The following SMCHD1 variants were observed in gnomAD, a reference collection of about 807,000 sequenced individuals.
SMCHD1 encodes structural maintenance of chromosomes flexible hinge domain containing 1, also known as structural maintenance of chromosomes flexible hinge domain-containing protein 1.
A neutral mutation model predicts 254.7 loss-of-function variants in SMCHD1; 78 were observed. That is an observed-to-expected ratio of 0.31 (90% CI 0.26 to 0.37). The LOEUF (loss-of-function observed/expected upper bound fraction) is 0.37, where lower values mean the gene tolerates loss of function less well. Among genes scored for constraint, SMCHD1 ranks in the 10% least tolerant of loss-of-function variants. The pLI, the probability that SMCHD1 is intolerant of heterozygous loss-of-function variation, is 1.00. For missense variants in SMCHD1, 1,840 were observed against 2,408.1 expected, an observed-to-expected ratio of 0.76 and a Z score of 4.94; for synonymous variants, 766 against 794.9, an observed-to-expected ratio of 0.96 and a Z score of 0.61.
At chr18:2,790,487 C>T (rs951698387) in intron 45 of SMCHD1, among the ~76,000 whole-genome samples, 10 of 152,114 alleles carry the variant, frequency 6.6e-5, no homozygotes, top group Middle Eastern at 3.4e-3. Context: ...AGGCCGGACA[C>T]GGTGGCTCAG....
At chr18:2,661,743 A>G (rs1007908742) in intron 1 of SMCHD1, among the ~76,000 whole-genome samples, 2 of 152,244 alleles carry the variant, frequency 1.3e-5, no homozygotes, top group Non-Finnish European at 2.9e-5. Context: ...AGGTGCTAGC[A>G]TTCCTATCCG....
At chr18:2,778,918 G>T (rs1263647120) in intron 44 of SMCHD1, 1 of 152,226 alleles carries the variant, frequency 6.6e-6, no homozygotes. Context: ...GGGGGTTACG[G>T]ACTTTAACAT....
intron 44 of SMCHD1, among the ~76,000 whole-genome samples, chr18:2,783,240 C>T (rs1053639542): frequency 1.3e-5 from 2 of 152,148 alleles, no homozygotes; most frequent in Non-Finnish European, 2.9e-5. Flanking sequence ...ACATCTGTTA[C>T]TATTTTTTCC....
intron 10 of SMCHD1, 41 bp from the exon 11 acceptor site, chr18:2,700,498 T>C: frequency 6.4e-7 from 1 of 1,559,202 alleles, no homozygotes; most frequent in South Asian, 1.2e-5. Flanking sequence ...TTCTCACATT[T>C]TAGCAATAAA....
At chr18:2,770,960 G>A (rs1214938632) in intron 39 of SMCHD1, among the ~76,000 whole-genome samples, 2 of 152,106 alleles carry the variant, frequency 1.3e-5, no homozygotes, top group African/African-American at 2.4e-5. Context: ...TCATATAATT[G>A]AAAGACAAGA....
At chr18:2,796,136 C>CT in intron 46 of SMCHD1, 29 bp downstream of exon 46, 5 of 1,464,898 alleles carry the variant, frequency 3.4e-6, no homozygotes, top group Non-Finnish European at 4.6e-6. Context: ...TTAACTTCTA[C>CT]TTTCTTTATA....
intron 3 of SMCHD1, among the ~76,000 whole-genome samples, chr18:2,671,774 T>A: frequency 6.6e-6 from 1 of 151,792 alleles, no homozygotes; most frequent in Non-Finnish European, 1.5e-5. Context: ...TTTTTTGTAT[T>A]TTTTTAGTAG....
chr18:2,756,769 A>G (rs1344378012), intron 34 of SMCHD1, among the ~76,000 whole-genome samples: 2 of 152,098 alleles, frequency 1.3e-5, no homozygotes, highest in African/African-American at 4.8e-5. Flanking sequence ...CAGACTATCA[A>G]TTTTATCTAA....
chr18:2,687,489 A>G (rs2074078894), intron 5 of SMCHD1, among the ~76,000 whole-genome samples: 1 of 151,224 alleles, frequency 6.6e-6, no homozygotes. Context: ...CTCTTAGTCT[A>G]TTTTCTAGTT....
chr18:2,750,010 C>T, intron 30 of SMCHD1, 33 bp from the exon 31 acceptor site: 1 of 1,522,424 alleles, frequency 6.6e-7, no homozygotes, highest in Middle Eastern at 1.7e-4. Context: ...CTAGAATTTT[C>T]TAATTAACCA....
chr18:2,774,735 A>G (rs551096321), intron 41 of SMCHD1, among the ~76,000 whole-genome samples: 98 of 152,040 alleles, frequency 6.4e-4, no homozygotes, highest in African/African-American at 2.2e-3. Flanking sequence ...GTGACACACA[A>G]TGTTCTTATT....
At chr18:2,666,807 A>C in intron 2 of SMCHD1, 63 bp from the exon 3 acceptor site, 1 of 1,332,276 alleles carries the variant, frequency 7.5e-7, no homozygotes, top group Non-Finnish European at 1.0e-6. Context: ...TATATTCACA[A>C]TTATAAGTTC....
intron 1 of SMCHD1, among the ~76,000 whole-genome samples, chr18:2,660,778 G>A (rs28753809): frequency 0.18 from 26,749 of 151,864 alleles, 5,810 homozygotes; most frequent in African/African-American, 0.52. Flanking sequence ...ATGCCCCCTG[G>A]AAAATCCATG....
chr18:2,733,136 G>A (rs975996101), intron 25 of SMCHD1, among the ~76,000 whole-genome samples: 7 of 152,178 alleles, frequency 4.6e-5, no homozygotes, highest in African/African-American at 1.4e-4. Context: ...ATGGTTGACT[G>A]AAAGAATAGT....
intron 3 of SMCHD1, chr18:2,673,077 C>T: frequency 7.1e-6 from 7 of 985,374 alleles, no homozygotes; most frequent in Non-Finnish European, 8.4e-6. Flanking sequence ...TAGTGCCATA[C>T]AAGTACTGAT....
chr18:2,666,969 A>G lies in SMCHD1; in HGVS notation c.362A>G (p.Tyr121Cys). ...TKERIDFLPH[Y>C]DTLVKSGMYE... Reference sequence around the variant, plus strand: ...GAACGAATTGACTTCTTACCTCACTATGACACACTGGTTAAAAGTGGCATG... The same window carrying G: ...GAACGAATTGACTTCTTACCTCACTGTGACACACTGGTTAAAAGTGGCATG... Residue 121 changes from tyrosine to cysteine, a missense_variant, in exon 3 of 48, where the codon TAT becomes TGT. Tyr to Cys is a radical substitution (Grantham distance 194). Around this residue, in one of 9 missense-constraint regions of SMCHD1, gnomAD observed 3 missense variants for 26.6 expected, o/e 0.11. Coordinates refer to ENST00000320876, the MANE Select transcript of SMCHD1 (RefSeq NM_015295.3). The G allele has an allele frequency of 6.2e-7, 1 of 1,609,950 alleles. No homozygotes were observed.
rs1315590061 is a variant in SMCHD1, at chr18:2,698,015, AC to A, written c.1319del (p.Pro440LeufsTer10). 1 of 1,612,722 alleles carries A rather than the reference AC, an allele frequency of 6.2e-7. No individual in the cohort carries two copies. Among genetic ancestry groups the A allele is most frequent in the African/African-American group, 1.3e-5 (1 of 75,038 alleles). The stretch of plus-strand genomic sequence containing the variant: ...CCATTCTTATATGATAGAGAAACTT[AC>A]CCTGATGATCCATGCTTTCCATCAA... ...YHPFLYDRET[Y>X]PDDPCFPSKL... On this transcript the variant is annotated frameshift_variant, in exon 10 of 48. Coordinates refer to ENST00000320876, the MANE Select transcript of SMCHD1 (RefSeq NM_015295.3). LOFTEE classifies it high-confidence loss of function.
At chr18:2,776,893 G>A (rs1220809224) in intron 42 of SMCHD1, among the ~76,000 whole-genome samples, 1 of 152,080 alleles carries the variant, frequency 6.6e-6, no homozygotes, top group African/African-American at 2.4e-5. Context: ...GTTGATAAGG[G>A]TAATACTTTT....
chr18:2,688,489 T>A lies in SMCHD1; in HGVS notation c.734T>A (p.Phe245Tyr). 6.2e-7 allele frequency: 1 copy of A among 1,613,382 alleles called. No individual in the cohort carries two copies. The highest frequency in any genetic ancestry group is 8.5e-7 in the Non-Finnish European group (1 of 1,179,396). Residue 245 changes from phenylalanine to tyrosine, a missense_variant, in exon 6 of 48, where the codon TTT becomes TAT. By Grantham distance (22) the Phe-to-Tyr change is conservative. This residue lies in a region of SMCHD1 where 498 missense variants were observed against 743.5 expected (regional missense o/e 0.67). Transcript: ENST00000320876. ...GTTGGGGGCAAGCAAGCTGTCTTCT[T>A]TGTTGGACAATCAGCCAGAGTAAGT... is the stretch of plus-strand genomic sequence containing the variant. ...FGVGGKQAVF[F>Y]VGQSARMISK...
Sources: gnomAD v4.1 joint callset for allele counts (sites outside exome capture counted in the v4.1 genomes callset) on GRCh38, gnomAD v4.1.1 for gene constraint, gnomAD v4.1.1 regional missense constraint, MANE v1.5 for transcripts, NCBI Gene and HGNC (gene_info 2026-07-23, HGNC 2026-07-21) for gene names.